Variants in DPY19L1 observed in about 807,000 individuals in gnomAD.
DPY19L1 encodes dpy-19 like C-mannosyltransferase 1, also known as protein C-mannosyl-transferase DPY19L1.
A neutral mutation model predicts 96.9 loss-of-function variants in DPY19L1; 35 were observed. The ratio of observed to expected loss-of-function variants is 0.36; its 90% CI spans 0.28 to 0.48. The LOEUF is 0.48. DPY19L1 is among the 20% of genes least tolerant of loss of function. The pLI is 0.99. For missense variants in DPY19L1, 521 were observed against 777.9 expected (o/e 0.67, Z 3.93); for synonymous variants, 205 against 252.6 (o/e 0.81, Z 1.79).
At chr7:34,946,554 T>C (rs1326681378) in intron 15 of DPY19L1, among the ~76,000 whole-genome samples, 1 of 152,246 alleles carries the variant, frequency 6.6e-6, no homozygotes, top group Non-Finnish European at 1.5e-5. Context: ...CAATGCTTAG[T>C]ATTTTTTGAG....
chr7:34,990,350 A>G (rs776479830), intron 6 of DPY19L1, among the ~76,000 whole-genome samples: 1 of 152,186 alleles, frequency 6.6e-6, no homozygotes, highest in East Asian at 1.9e-4. Context: ...AGGGAGAGAA[A>G]GACGTGCAAG....
At position 34,934,063 on chromosome 7, in the gene DPY19L1, A is replaced by T. The variant is rs150004601; in HGVS notation, c.2091-2334T>A. 3.7e-3 allele frequency among the ~76,000 whole-genome samples: 566 copies of T among 152,156 alleles called. 4 individuals are homozygous for T. Among genetic ancestry groups the T allele is most frequent in the South Asian group, 0.016 (78 of 4,818 alleles). On this transcript the variant is annotated intron_variant, in intron 21 of 21. Coordinates refer to ENST00000638088, the MANE Select transcript of DPY19L1 (RefSeq NM_001366673.1). ...ACTGCAAGCTCCACCTCCCAGGTTCACGTCATTCTCCTGCCTCTGCCTCCT... is the reference window on the plus strand; with the variant it reads ...ACTGCAAGCTCCACCTCCCAGGTTCTCGTCATTCTCCTGCCTCTGCCTCCT...
chr7:34,946,794 C>T (rs1784156691), intron 15 of DPY19L1, among the ~76,000 whole-genome samples: 1 of 152,234 alleles, frequency 6.6e-6, no homozygotes, highest in Admixed American at 6.5e-5. Flanking sequence ...CATCTTTGAT[C>T]TTTCAGTTCT....
At chr7:34,983,673 G>C (rs1489353422) in intron 7 of DPY19L1, among the ~76,000 whole-genome samples, 2 of 97,732 alleles carry the variant, frequency 2.0e-5, no homozygotes, top group African/African-American at 7.0e-5. Flanking sequence ...GAGGAATAGA[G>C]AGAAAAAAAA....
intron 1 of DPY19L1, among the ~76,000 whole-genome samples, chr7:35,022,318 A>G (rs1786014671): frequency 6.6e-6 from 1 of 152,240 alleles, no homozygotes; most frequent in African/African-American, 2.4e-5. Flanking sequence ...GTGTTCAAGG[A>G]AAGGTTTGCT....
At chr7:34,974,908 G>C (rs1342273769) in intron 7 of DPY19L1, among the ~76,000 whole-genome samples, 4 of 152,048 alleles carry the variant, frequency 2.6e-5, no homozygotes, top group South Asian at 4.2e-4. Flanking sequence ...GGTGATCTGT[G>C]ATCAGTAATC....
intron 21 of DPY19L1, among the ~76,000 whole-genome samples, chr7:34,935,162 C>T (rs542699049): frequency 3.3e-5 from 5 of 152,236 alleles, no homozygotes; most frequent in East Asian, 3.9e-4. Context: ...TGAGGGCCCA[C>T]GGTGGCAGAG....
At chr7:34,988,110 G>C (rs1481756036) in intron 7 of DPY19L1, 1 of 152,018 alleles carries the variant, frequency 6.6e-6, no homozygotes, top group Non-Finnish European at 1.5e-5. Flanking sequence ...AACTTTGTAA[G>C]GAATGATGTT....
intron 1 of DPY19L1, 69 bp from the exon 2 acceptor site, chr7:35,018,665 C>T (rs1325269859): frequency 7.3e-7 from 1 of 1,373,242 alleles, no homozygotes; most frequent in African/African-American, 1.4e-5. Flanking sequence ...AAAGCCATTT[C>T]AAAGATAAAG....
chr7:34,973,065 T>C (rs1784756759), intron 8 of DPY19L1, among the ~76,000 whole-genome samples: 1 of 152,206 alleles, frequency 6.6e-6, no homozygotes. Context: ...GTTTCCTTTT[T>C]ACCCTCTGGA....
At chr7:35,037,889 C>T (rs1447901222), upstream of DPY19L1, 3 of 1,239,170 alleles carry the variant, frequency 2.4e-6, no homozygotes, top group South Asian at 4.1e-5. Context: ...AGGCGGCCGC[C>T]CTTCCATTGT....
intron 15 of DPY19L1, 58 bp from the exon 16 acceptor site, chr7:34,945,774 A>C (rs1233881468): frequency 2.0e-5 from 24 of 1,170,942 alleles, no homozygotes; most frequent in Non-Finnish European, 1.3e-6. Flanking sequence ...TGATATTTTA[A>C]ATAAAGTATC....
At chr7:34,998,419 A>G (rs538105340) in intron 6 of DPY19L1, among the ~76,000 whole-genome samples, 1 of 152,338 alleles carries the variant, frequency 6.6e-6, no homozygotes, top group East Asian at 1.9e-4. Flanking sequence ...AAGCGACCTC[A>G]TCGCCAGAGA....
intron 1 of DPY19L1, among the ~76,000 whole-genome samples, chr7:35,020,706 T>C (rs1048986088): frequency 6.6e-6 from 1 of 152,196 alleles, no homozygotes; most frequent in Non-Finnish European, 1.5e-5. Flanking sequence ...AGTTCTCCAT[T>C]TTATTGCATT....
chr7:35,037,398 G>A lies in DPY19L1; in HGVS notation c.-4C>T, dbSNP rs1241912578. 2.3e-5 allele frequency: 8 copies of A among 340,680 alleles called. No homozygotes were observed. The highest frequency in any genetic ancestry group is 1.3e-4 in the East Asian group (3 of 23,644). The allele number at this position is 340,680 out of a possible 1,614,324, so 21.1% of individuals were successfully genotyped here. A position where few individuals can be genotyped will look rare whatever the true frequency, so the allele number is the denominator to read the frequency against. The stretch of plus-strand genomic sequence containing the variant: ...TGTTCCGCGCCTGCAGGACCATCTT[G>A]GCATAGTCGCGCCCGCTCGCTGCGC... On this transcript the variant is annotated 5_prime_UTR_variant, in exon 1 of 22. Coordinates refer to ENST00000638088, the MANE Select transcript of DPY19L1 (RefSeq NM_001366673.1).
At chr7:35,015,347 T>C (rs1428478808) in intron 3 of DPY19L1, among the ~76,000 whole-genome samples, 1 of 152,306 alleles carries the variant, frequency 6.6e-6, no homozygotes, top group Non-Finnish European at 1.5e-5. Flanking sequence ...GCCCAGGAAC[T>C]TGGCAGGACT....
chr7:35,007,582 A>AC (rs1584252086), intron 6 of DPY19L1, among the ~76,000 whole-genome samples: 1 of 141,594 alleles, frequency 7.1e-6, no homozygotes, highest in African/African-American at 2.8e-5. Flanking sequence ...CAGCACACAC[A>AC]CGTGTGGTGT....
At chr7:34,937,434 G>C (rs562946376) in intron 21 of DPY19L1, among the ~76,000 whole-genome samples, 65 of 152,206 alleles carry the variant, frequency 4.3e-4, no homozygotes, top group African/African-American at 1.5e-3. Context: ...CTTGGTTTCA[G>C]ACCCTGGAAG....
At chr7:34,941,464 A>G (rs1232186488) in intron 18 of DPY19L1, among the ~76,000 whole-genome samples, 4 of 152,254 alleles carry the variant, frequency 2.6e-5, no homozygotes, top group Non-Finnish European at 4.4e-5. Context: ...TATGAATGTC[A>G]AAACAAAAAA....
Sources: allele counts gnomAD v4.1 joint callset (sites outside exome capture counted in the v4.1 genomes callset), GRCh38; gene constraint gnomAD v4.1.1; transcripts MANE v1.5; gene names NCBI Gene and HGNC (gene_info 2026-07-23, HGNC 2026-07-21).